The following ERICH1 variants were observed in gnomAD, a reference collection of about 807,000 sequenced individuals.
ERICH1 encodes the protein glutamate-rich protein 1.
In ERICH1, 56 loss-of-function variants were observed where a neutral mutation model predicts 39.6. That is an observed-to-expected ratio of 1.41 (90% CI 1.14 to 1.77). The LOEUF (loss-of-function observed/expected upper bound fraction) is 1.77. ERICH1 is among the 40% of genes most tolerant of loss of function. The pLI is 0.00. For missense variants in ERICH1, 826 were observed against 575.4 expected, an observed-to-expected ratio of 1.44 and a Z score of -4.45; for synonymous variants, 313 against 223.6, an observed-to-expected ratio of 1.40 and a Z score of -3.57.
intron 3 of ERICH1, among the ~76,000 whole-genome samples, chr8:616,934 G>C (rs1195142135): frequency 7.6e-5 from 4 of 52,406 alleles, no homozygotes; most frequent in Non-Finnish European, 1.2e-4. Flanking sequence ...AAGAGACAGA[G>C]AGAGAGAGGG....
At chr8:730,428 T>G (rs547013818) in intron 1 of ERICH1, among the ~76,000 whole-genome samples, 24 of 152,350 alleles carry the variant, frequency 1.6e-4, no homozygotes, top group African/African-American at 5.8e-4. Context: ...AGCGCCTGAA[T>G]TAATCCAAGT....
chr8:682,947 T>C (rs1806461258), intron 3 of ERICH1, among the ~76,000 whole-genome samples: 1 of 152,254 alleles, frequency 6.6e-6, no homozygotes, highest in Non-Finnish European at 1.5e-5. Flanking sequence ...AAACTTCTTA[T>C]CAAGTTGATC....
intron 3 of ERICH1, among the ~76,000 whole-genome samples, chr8:687,987 G>T (rs1807877845): frequency 6.6e-6 from 1 of 152,116 alleles, no homozygotes; most frequent in South Asian, 2.1e-4. Context: ...GACCTGCCCG[G>T]GTCCCGAGCC....
intron 3 of ERICH1, among the ~76,000 whole-genome samples, chr8:623,014 G>A (rs1797384017): frequency 1.3e-5 from 2 of 148,898 alleles, no homozygotes; most frequent in South Asian, 2.1e-4. Context: ...TACCAATACT[G>A]TCAATACCAA....
chr8:724,893 C>T (rs1818219894), intron 1 of ERICH1, among the ~76,000 whole-genome samples: 1 of 152,130 alleles, frequency 6.6e-6, no homozygotes, highest in Non-Finnish European at 1.5e-5. Flanking sequence ...CCCACGCCGC[C>T]TGGCCCGGAC....
At chr8:638,549 C>T (rs1187127065) in intron 3 of ERICH1, among the ~76,000 whole-genome samples, 1 of 152,180 alleles carries the variant, frequency 6.6e-6, no homozygotes, top group Non-Finnish European at 1.5e-5. Context: ...AGGTGGCGTC[C>T]ACTGAGCTGT....
At chr8:644,538 TTTTG>T (rs1799376085) in intron 3 of ERICH1, among the ~76,000 whole-genome samples, 1 of 69,072 alleles carries the variant, frequency 1.4e-5, no homozygotes, top group Non-Finnish European at 4.5e-5. Context: ...TTCATTTTCA[TTTTG>T]TTTCTAATGA....
At chr8:619,297 C>T (rs929047689) in intron 3 of ERICH1, among the ~76,000 whole-genome samples, 5 of 152,192 alleles carry the variant, frequency 3.3e-5, no homozygotes, top group East Asian at 3.9e-4. Context: ...CCACCGCGCA[C>T]GAGGGGGGCC....
At chr8:622,730 A>G (rs1797361088) in intron 3 of ERICH1, among the ~76,000 whole-genome samples, 1 of 152,132 alleles carries the variant, frequency 6.6e-6, no homozygotes, top group Non-Finnish European at 1.5e-5. Flanking sequence ...AGGTGGGAGG[A>G]TCACTTGAGC....
At chr8:687,701 T>G (rs1462113469) in intron 3 of ERICH1, among the ~76,000 whole-genome samples, 1 of 152,054 alleles carries the variant, frequency 6.6e-6, no homozygotes, top group African/African-American at 2.4e-5. Flanking sequence ...GACCCAGGGC[T>G]GAAGTCGGCA....
At chr8:690,343 T>G (rs1363336808) in intron 3 of ERICH1, among the ~76,000 whole-genome samples, 1 of 152,188 alleles carries the variant, frequency 6.6e-6, no homozygotes, top group Non-Finnish European at 1.5e-5. Context: ...TGTCCTGGCT[T>G]TTGGGCACAG....
At chr8:631,791 C>T (rs1798055212) in intron 3 of ERICH1, among the ~76,000 whole-genome samples, 1 of 152,136 alleles carries the variant, frequency 6.6e-6, no homozygotes, top group Non-Finnish European at 1.5e-5. Flanking sequence ...TTTACAGGCA[C>T]TGACTAATTT....
intron 2 of ERICH1, among the ~76,000 whole-genome samples, chr8:706,995 C>G (rs1295405472): frequency 6.6e-6 from 1 of 151,942 alleles, no homozygotes; most frequent in Non-Finnish European, 1.5e-5. Context: ...CATGCTGATC[C>G]TAACATTAAT....
rs1305767406 is a variant in ERICH1, at chr8:644,652, G to A, written c.976+23946C>T. Among the ~76,000 whole-genome samples the A allele has an allele frequency of 2.9e-5, 2 of 68,826 alleles. 1 individual carries two copies. Among genetic ancestry groups the A allele is most frequent in the Non-Finnish European group, 9.1e-5 (2 of 21,956 alleles). The allele number at this position is 68,826 out of a possible 152,430, so 45.2% of individuals were successfully genotyped here. ...AGCGCCTTCCAGGAGCTGCGTGAGTGGTGTTCAGGGCGCAGCTGCGTCTCT... is the reference window on the plus strand; with the variant it reads ...AGCGCCTTCCAGGAGCTGCGTGAGTAGTGTTCAGGGCGCAGCTGCGTCTCT... On this transcript the variant is annotated intron_variant, in intron 3 of 3. Coordinates refer to the ERICH1 transcript ENST00000522706.
intron 3 of ERICH1, among the ~76,000 whole-genome samples, chr8:658,292 G>A (rs1246706520): frequency 6.6e-6 from 1 of 152,144 alleles, no homozygotes; most frequent in Non-Finnish European, 1.5e-5. Context: ...CTGGTTCCCT[G>A]CAGGAAGAAG....
intron 2 of ERICH1, 116 bp downstream of exon 2, chr8:715,745 C>T: frequency 7.1e-7 from 1 of 1,413,754 alleles, no homozygotes; most frequent in South Asian, 1.4e-5. Context: ...TGCAGGCCCT[C>T]TGCAGACCTG....
At chr8:665,614 G>A (rs1293142726) in intron 5 of ERICH1, among the ~76,000 whole-genome samples, 2 of 152,240 alleles carry the variant, frequency 1.3e-5, no homozygotes, top group African/African-American at 4.8e-5. Flanking sequence ...GGAGGTTGAT[G>A]TTCGGAAATC....
intron 2 of ERICH1, among the ~76,000 whole-genome samples, chr8:694,044 G>A (rs952873538): frequency 1.4e-4 from 22 of 152,320 alleles, no homozygotes; most frequent in African/African-American, 5.1e-4. Context: ...AAACACAAGT[G>A]GACATCCCAG....
chr8:721,870 G>A (rs1055860568), intron 1 of ERICH1, among the ~76,000 whole-genome samples: 2 of 152,198 alleles, frequency 1.3e-5, no homozygotes, highest in Non-Finnish European at 2.9e-5. Context: ...GTGTGTGTAC[G>A]CTTATGAGCT....
Sources: gnomAD v4.1 joint callset for allele counts (sites outside exome capture counted in the v4.1 genomes callset) on GRCh38, gnomAD v4.1.1 for gene constraint, MANE v1.5 for transcripts, NCBI Gene and HGNC (gene_info 2026-07-23, HGNC 2026-07-21) for gene names.